Variants in CAMK1D observed in about 807,000 individuals in gnomAD.
CAMK1D encodes the protein calcium/calmodulin dependent protein kinase ID.
A neutral mutation model predicts 47.7 loss-of-function variants in CAMK1D; 9 were observed. The ratio of observed to expected loss-of-function variants is 0.19; its 90% CI spans 0.11 to 0.33. The LOEUF (loss-of-function observed/expected upper bound fraction) is 0.33. Among genes scored for constraint, CAMK1D ranks in the 10% least tolerant of loss-of-function variants. The pLI is 1.00. For synonymous variants in CAMK1D, 184 were observed against 184.9 expected, an observed-to-expected ratio of 0.99 and a Z score of 0.04; for missense variants, 291 against 488.7, an observed-to-expected ratio of 0.60 and a Z score of 3.81.
At chr10:12,751,403 C>T (rs1835979267) in intron 3 of CAMK1D, among the ~76,000 whole-genome samples, 1 of 152,114 alleles carries the variant, frequency 6.6e-6, no homozygotes, top group African/African-American at 2.4e-5. Context: ...ACAGGAGCTC[C>T]ACCCCGCTTG....
intron 3 of CAMK1D, among the ~76,000 whole-genome samples, chr10:12,710,330 A>G (rs936872751): frequency 2.6e-5 from 4 of 152,214 alleles, no homozygotes; most frequent in African/African-American, 7.2e-5. Flanking sequence ...ATTTCTGGAC[A>G]GTGTCTTGAT....
chr10:12,766,030 A>G (rs191906984), intron 4 of CAMK1D, among the ~76,000 whole-genome samples: 2 of 145,184 alleles, frequency 1.4e-5, no homozygotes, highest in African/African-American at 5.2e-5. Context: ...CAATGGCGCA[A>G]TCTCAACTCT....
intron 2 of CAMK1D, among the ~76,000 whole-genome samples, chr10:12,644,659 C>T (rs775482572): frequency 3.3e-5 from 5 of 152,138 alleles, no homozygotes; most frequent in Admixed American, 2.0e-4. Context: ...ACCTCCAATA[C>T]GGAGGCTTCC....
chr10:12,541,907 T>C (rs1375863997), intron 1 of CAMK1D, among the ~76,000 whole-genome samples: 13 of 121,836 alleles, frequency 1.1e-4, no homozygotes, highest in Non-Finnish European at 2.2e-4. Flanking sequence ...TTCAGGTCTC[T>C]CTTTGTCACC....
At chr10:12,683,445 T>G (rs984020131) in intron 3 of CAMK1D, among the ~76,000 whole-genome samples, 1 of 152,120 alleles carries the variant, frequency 6.6e-6, no homozygotes, top group Admixed American at 6.6e-5. Context: ...ATTCATAAAT[T>G]AAAATTTTAG....
intron 1 of CAMK1D, among the ~76,000 whole-genome samples, chr10:12,430,213 C>G (rs965556450): frequency 7.2e-5 from 11 of 152,132 alleles, no homozygotes; most frequent in Admixed American, 5.9e-4. Flanking sequence ...TGGATGGGAC[C>G]AAGCCCCTGT....
At chr10:12,445,176 G>A (rs1832891822) in intron 1 of CAMK1D, among the ~76,000 whole-genome samples, 1 of 152,132 alleles carries the variant, frequency 6.6e-6, no homozygotes, top group African/African-American at 2.4e-5. Flanking sequence ...AGTCGTGCCC[G>A]AATTCCAAAG....
intron 2 of CAMK1D, among the ~76,000 whole-genome samples, chr10:12,596,941 C>T (rs1838163622): frequency 6.6e-6 from 1 of 151,900 alleles, no homozygotes; most frequent in African/African-American, 2.4e-5. Context: ...AAGTTCCTGT[C>T]TTTGCTTTGA....
intron 2 of CAMK1D, among the ~76,000 whole-genome samples, chr10:12,610,609 A>C (rs533173149): frequency 5.8e-4 from 89 of 152,332 alleles, no homozygotes; most frequent in African/African-American, 1.9e-3. Context: ...TCAAGGCAGA[A>C]GATGTCCTCA....
At chr10:12,795,370 T>G (rs1838153444) in intron 6 of CAMK1D, among the ~76,000 whole-genome samples, 1 of 152,156 alleles carries the variant, frequency 6.6e-6, no homozygotes, top group Non-Finnish European at 1.5e-5. Flanking sequence ...CTCAGACTCT[T>G]TCTCCTTCCT....
chr10:12,638,244 C>A (rs1839567224), intron 2 of CAMK1D, among the ~76,000 whole-genome samples: 1 of 152,164 alleles, frequency 6.6e-6, no homozygotes, highest in Non-Finnish European at 1.5e-5. Context: ...CTTCCACTGC[C>A]TGGCCCTCCC....
At chr10:12,349,960 G>A in intron 1 of CAMK1D, 50 bp downstream of exon 1, 4 of 1,107,172 alleles carry the variant, frequency 3.6e-6, no homozygotes, top group Admixed American at 2.8e-5. Context: ...GGCAGGGGCT[G>A]CACGGGCAGC....
chr10:12,658,778 C>G (rs1024834249), intron 2 of CAMK1D, among the ~76,000 whole-genome samples: 1 of 152,080 alleles, frequency 6.6e-6, no homozygotes, highest in Non-Finnish European at 1.5e-5. Context: ...CAGGGGAAAC[C>G]ACCTTCCCAC....
At chr10:12,771,704 G>C (rs886503852) in intron 5 of CAMK1D, among the ~76,000 whole-genome samples, 9 of 152,192 alleles carry the variant, frequency 5.9e-5, no homozygotes, top group Non-Finnish European at 1.3e-4. Flanking sequence ...TATGCAGAAG[G>C]CACAGAAGAA....
At chr10:12,764,042 C>A (rs11257975) in intron 4 of CAMK1D, among the ~76,000 whole-genome samples, 12,286 of 152,166 alleles carry the variant, frequency 0.081, 898 homozygotes, top group African/African-American at 0.19. Context: ...CTTCCCTCCT[C>A]CCCCAGGAAA....
At chr10:12,460,265 T>TC (rs1833383948) in intron 1 of CAMK1D, among the ~76,000 whole-genome samples, 1 of 151,478 alleles carries the variant, frequency 6.6e-6, no homozygotes, top group Admixed American at 6.6e-5. Context: ...TCTATTCTTT[T>TC]TTTTTTTTTT....
intron 5 of CAMK1D, among the ~76,000 whole-genome samples, chr10:12,787,005 C>A (rs1369067790): frequency 6.6e-6 from 1 of 152,140 alleles, no homozygotes; most frequent in African/African-American, 2.4e-5. Flanking sequence ...CATATGTAAT[C>A]CCAGCTGCTG....
intron 7 of CAMK1D, 53 bp from the exon 8 acceptor site, chr10:12,816,197 T>A: frequency 6.8e-7 from 1 of 1,472,126 alleles, no homozygotes; most frequent in Non-Finnish European, 9.5e-7. Context: ...GATCATATTG[T>A]CACATCTCAA....
chr10:12,728,281 C>T (rs1391998946), intron 3 of CAMK1D, among the ~76,000 whole-genome samples: 1 of 152,150 alleles, frequency 6.6e-6, no homozygotes, highest in Non-Finnish European at 1.5e-5. Flanking sequence ...TTCTAGCTAC[C>T]CTCTTGGTGC....
Sources: allele counts gnomAD v4.1 joint callset (sites outside exome capture counted in the v4.1 genomes callset), GRCh38; gene constraint gnomAD v4.1.1; transcripts MANE v1.5; gene names NCBI Gene and HGNC (gene_info 2026-07-23, HGNC 2026-07-21).